ZNF730: variants seen among roughly 807,000 people sequenced by gnomAD.
ZNF730 encodes the protein zinc finger protein 730, also known as putative zinc finger protein 730.
A neutral mutation model predicts 12.6 loss-of-function variants in ZNF730; 12 were observed. The ratio of observed to expected loss-of-function variants is 0.95; its 90% CI spans 0.61 to 1.54. ZNF730 has a LOEUF of 1.54. Ranked by LOEUF, ZNF730 falls within the 40% of genes most tolerant of loss-of-function variation. The pLI, the probability that ZNF730 is intolerant of heterozygous loss-of-function variation, is 0.00. For synonymous variants in ZNF730, 194 were observed against 195.8 expected (o/e 0.99, Z 0.08); for missense variants, 643 against 583.5 (o/e 1.10, Z -1.05).
chr19:23,108,228 T>C (rs1970417656), intron 1 of ZNF730, among the ~76,000 whole-genome samples: 1 of 151,998 alleles, frequency 6.6e-6, no homozygotes, highest in Admixed American at 6.6e-5. Flanking sequence ...TCATCACCTA[T>C]ACAGATTAAA....
intron 1 of ZNF730, among the ~76,000 whole-genome samples, chr19:23,076,314 T>C (rs189966677): frequency 6.6e-6 from 1 of 152,156 alleles, no homozygotes; most frequent in Admixed American, 6.6e-5. Context: ...ATGAGAAAAA[T>C]GTAGAAAATA....
In ZNF730 at chr19:23,145,615, C is replaced by A; in HGVS notation, c.571C>A (p.His191Asn). The change falls in exon 4 of 4, where the codon CAT becomes AAT. Residue 191 changes from histidine (H) to asparagine (N), a missense_variant. His to Asn is a moderately conservative substitution (Grantham distance 68, BLOSUM62 1). Coordinates refer to ENST00000597761, the MANE Select transcript of ZNF730 (RefSeq NM_001277403.2). ...TTGCATTCTTTCACACTTAGCTCAACATAAAAAAATTCATACTGGAGAGAA... is the reference window on the plus strand; with the variant it reads ...TTGCATTCTTTCACACTTAGCTCAAAATAAAAAAATTCATACTGGAGAGAA... ...LFCILSHLAQ[H>N]KKIHTGEKSY... 1 of 1,546,256 alleles carries A rather than the reference C, an allele frequency of 6.5e-7. No individual in the cohort carries two copies. The highest frequency in any genetic ancestry group is 8.7e-7 in the Non-Finnish European group (1 of 1,147,656).
intron 1 of ZNF730, among the ~76,000 whole-genome samples, chr19:23,131,802 T>G (rs1269832027): frequency 1.3e-5 from 2 of 152,196 alleles, no homozygotes; most frequent in African/African-American, 4.8e-5. Context: ...ACCAAGTGAT[T>G]TATAAGCTGT....
intron 2 of ZNF730, among the ~76,000 whole-genome samples, chr19:23,134,502 C>T (rs1253184262): frequency 6.8e-6 from 1 of 146,290 alleles, no homozygotes. Flanking sequence ...CCCGGCCGGC[C>T]GCCCCGTCCG....
Position 23,145,532 on chromosome 19 carries a change from A to T in ZNF730, c.488A>T (p.His163Leu). 1.3e-6 allele frequency: 2 copies of T among 1,557,606 alleles called. No homozygotes were observed. The highest frequency in any genetic ancestry group is 1.7e-6 in the Non-Finnish European group (2 of 1,151,594). ...CATAAATTTTCAAATTCAAACAGAC[A>T]TAAGATAAGACATACTTCGAAGAAA... ...VFHKFSNSNR[H>L]KIRHTSKKPF... The change falls in exon 4 of 4, where the codon CAT (histidine) becomes CTT (leucine). Residue 163 changes from histidine to leucine, a missense_variant. Transcript: ENST00000597761.
intron 1 of ZNF730, among the ~76,000 whole-genome samples, chr19:23,082,762 C>T (rs1376763501): frequency 6.6e-6 from 1 of 151,804 alleles, no homozygotes; most frequent in African/African-American, 2.4e-5. Flanking sequence ...AGTGCAATGG[C>T]GTGATCTCGG....
At chr19:23,087,751 G>A in intron 1 of ZNF730, among the ~76,000 whole-genome samples, 1 of 151,676 alleles carries the variant, frequency 6.6e-6, no homozygotes, top group East Asian at 2.0e-4. Flanking sequence ...AAGTAGCTGG[G>A]ATTACAGGCA....
chr19:23,094,103 G>T (rs1970204539), intron 1 of ZNF730, among the ~76,000 whole-genome samples: 1 of 152,078 alleles, frequency 6.6e-6, no homozygotes, highest in Non-Finnish European at 1.5e-5. Flanking sequence ...CTCCCATTTT[G>T]GTCTCCCAAG....
intron 1 of ZNF730, among the ~76,000 whole-genome samples, chr19:23,110,367 C>A (rs1311488573): frequency 6.9e-6 from 1 of 144,822 alleles, no homozygotes; most frequent in Admixed American, 7.1e-5. Context: ...ACCTCCACCT[C>A]CCAGGTTCAA....
At chr19:23,133,903 GAGTT>G (rs1271540725) in intron 1 of ZNF730, among the ~76,000 whole-genome samples, 173 bp from the exon 2 acceptor site, 8 of 152,172 alleles carry the variant, frequency 5.3e-5, no homozygotes, top group Non-Finnish European at 7.3e-5. Context: ...TCTTTTCTCA[GAGTT>G]AGAGTATATT....
intron 1 of ZNF730, among the ~76,000 whole-genome samples, chr19:23,109,341 G>A (rs12608510): frequency 0.57 from 86,552 of 151,466 alleles, 26,594 homozygotes; most frequent in South Asian, 0.73. Flanking sequence ...TGATTCTCCT[G>A]CCTCAGTCTC....
At chr19:23,100,372 A>G (rs1970318596) in intron 1 of ZNF730, 1 of 152,216 alleles carries the variant, frequency 6.6e-6, no homozygotes, top group Non-Finnish European at 1.5e-5. Context: ...AGGCTTAGGA[A>G]AATGAGGAAG....
rs1371383300 is a variant in ZNF730 at position 23,134,610 on chromosome 19, AGCCCCCCGCCCG to A, written c.130+408_130+419del. ...GTCCTGGAGGGTGGGGGGGGGGGTC[AGCCCCCCGCCCG>A]GCCAGCCGCCCCATCCAGGAGGTGA... On this transcript the variant is annotated intron_variant, in intron 2 of 3. Transcript: ENST00000597761. 2.2e-5 allele frequency among the ~76,000 whole-genome samples: 3 copies of A among 135,972 alleles called. No homozygotes were observed. The East Asian group carries it at 6.9e-4, about 31-fold the overall frequency. The allele number at this position is 135,972 out of a possible 152,430, so 89.2% of individuals were successfully genotyped here.
In ZNF730 at chr19:23,143,722, T is replaced by A. The variant is rs1970962614; in HGVS notation, c.227-1549T>A. ...GATGGTGTTACTCTCACTTGAAAGC[T>A]ATTTTTTTTCCCAGGACTTTGACTG... On this transcript the variant is annotated intron_variant, in intron 3 of 3. Coordinates refer to ENST00000597761, the MANE Select transcript of ZNF730 (RefSeq NM_001277403.2). The A allele has an allele frequency of 2.0e-5, 3 of 152,310 alleles. No individual in the cohort carries two copies. The South Asian group carries it at 6.2e-4, about 32-fold the overall frequency. The allele number at this position is 152,310 out of a possible 1,614,324, so 9.4% of individuals were successfully genotyped here.
chr19:23,089,311 A>G (rs946274091), intron 1 of ZNF730, among the ~76,000 whole-genome samples: 1 of 151,776 alleles, frequency 6.6e-6, no homozygotes, highest in Non-Finnish European at 1.5e-5. Context: ...GGTTCAAGCA[A>G]TTCTCCTGCC....
chr19:23,117,449 C>T (rs1280869116), intron 1 of ZNF730, among the ~76,000 whole-genome samples: 1 of 152,166 alleles, frequency 6.6e-6, no homozygotes, highest in Non-Finnish European at 1.5e-5. Context: ...TGCGTCTCTC[C>T]CAGATTATGC....
At chr19:23,100,473 G>C (rs1970321175) in intron 1 of ZNF730, 1 of 152,126 alleles carries the variant, frequency 6.6e-6, no homozygotes, top group African/African-American at 2.4e-5. Flanking sequence ...ACACAGGTGA[G>C]ATCGTGTTCT....
chr19:23,138,685 G>A (rs1970868862), intron 3 of ZNF730, among the ~76,000 whole-genome samples: 1 of 152,166 alleles, frequency 6.6e-6, no homozygotes, highest in Non-Finnish European at 1.5e-5. Flanking sequence ...CTCAATCTTG[G>A]GCATTAGCAG....
At position 23,146,725 on chromosome 19, in the gene ZNF730, A is replaced by G. The variant is rs533364531; in HGVS notation, c.*169A>G. 3.0e-6 allele frequency: 4 copies of G among 1,332,136 alleles called. No individual in the cohort carries two copies. The East Asian group carries it at 6.9e-5, about 23-fold the overall frequency. The allele number at this position is 1,332,136 out of a possible 1,614,324, so 82.5% of individuals were successfully genotyped here. ...AATTCATACTGGAGAAAAACCTACA[A>G]ATGTGAAGAATGTGGCAAAGTCTTC... On this transcript the variant is annotated 3_prime_UTR_variant, in exon 4 of 4. Transcript: ENST00000597761.
Sources: allele counts gnomAD v4.1 joint callset (sites outside exome capture counted in the v4.1 genomes callset), GRCh38; gene constraint gnomAD v4.1.1; transcripts MANE v1.5; gene names NCBI Gene and HGNC (gene_info 2026-07-23, HGNC 2026-07-21).